ZFP3: variants seen among roughly 807,000 people sequenced by gnomAD.
ZFP3 encodes the protein ZFP3 zinc finger protein.
In ZFP3, 18 loss-of-function variants were observed where a neutral mutation model predicts 36.7. The ratio of observed to expected loss-of-function variants is 0.49; its 90% CI spans 0.34 to 0.73. The LOEUF (loss-of-function observed/expected upper bound fraction) is 0.73. Among genes scored for constraint, ZFP3 ranks in the 30% least tolerant of loss-of-function variants. The pLI, the probability that ZFP3 is intolerant of heterozygous loss-of-function variation, is 0.01. For synonymous variants in ZFP3, 218 were observed against 199.0 expected, an observed-to-expected ratio of 1.10 and a Z score of -0.81; for missense variants, 495 against 599.0, an observed-to-expected ratio of 0.83 and a Z score of 1.81.
intron 1 of ZFP3, among the ~76,000 whole-genome samples, chr17:5,085,242 C>T (rs1001008682): frequency 6.6e-6 from 1 of 152,096 alleles, no homozygotes; most frequent in African/African-American, 2.4e-5. Context: ...GACAGGGTTT[C>T]ACCATGTTGT....
At chr17:5,079,539 T>C (rs1187737640) in intron 1 of ZFP3, among the ~76,000 whole-genome samples, 1 of 152,182 alleles carries the variant, frequency 6.6e-6, no homozygotes, top group African/African-American at 2.4e-5. Context: ...ATTCATTATA[T>C]ATATAAGACA....
chr17:5,089,444 G>T (rs918391653), intron 1 of ZFP3, among the ~76,000 whole-genome samples: 2 of 152,148 alleles, frequency 1.3e-5, no homozygotes, highest in African/African-American at 4.8e-5. Context: ...GCATCTCACT[G>T]TCTCATTGGC....
In ZFP3 at chr17:5,093,781, G is replaced by A. The variant is rs557884162; in HGVS notation, c.*768G>A. 1 of 167,160 alleles carries A rather than the reference G, an allele frequency of 6.0e-6. No homozygotes were observed. The highest frequency in any genetic ancestry group is 2.1e-4 in the South Asian group (1 of 4,830). 10.4% of individuals were successfully genotyped at this position (167,160 alleles called of 1,614,324 possible). A position where few individuals can be genotyped will look rare whatever the true frequency, so the allele number is the denominator to read the frequency against. ...ATCTGAAGAGGCTGCCATGATGGAG[G>A]AACTGACAGGCAATTTACAACGGGA... On this transcript the variant is annotated 3_prime_UTR_variant, in exon 2 of 2. Transcript: ENST00000318833.
chr17:5,082,589 G>A (rs546092040), intron 1 of ZFP3, among the ~76,000 whole-genome samples: 3 of 152,256 alleles, frequency 2.0e-5, no homozygotes, highest in South Asian at 2.1e-4. Context: ...GTGCAGTGGT[G>A]TGATCATAGC....
intron 1 of ZFP3, among the ~76,000 whole-genome samples, chr17:5,086,724 C>CTTTTTTTTT (rs5819008): frequency 9.0e-5 from 10 of 110,664 alleles, no homozygotes; most frequent in Admixed American, 1.9e-4. Context: ...CATTTTCTTT[C>CTTTTTTTTT]TTTTTTTTTT....
intron 1 of ZFP3, among the ~76,000 whole-genome samples, chr17:5,087,775 A>G (rs1458171323): frequency 2.0e-5 from 3 of 152,128 alleles, no homozygotes; most frequent in Admixed American, 1.3e-4. Flanking sequence ...GCGACCTCAC[A>G]GGAAGGAACC....
intron 1 of ZFP3, among the ~76,000 whole-genome samples, chr17:5,087,852 G>C (rs2072129348): frequency 6.6e-6 from 1 of 152,178 alleles, no homozygotes; most frequent in Non-Finnish European, 1.5e-5. Flanking sequence ...CTCCTCATTG[G>C]TGGACCACAG....
intron 1 of ZFP3, among the ~76,000 whole-genome samples, chr17:5,090,030 A>G (rs2072141982): frequency 6.6e-6 from 1 of 152,228 alleles, no homozygotes; most frequent in African/African-American, 2.4e-5. Flanking sequence ...CAAAATTAAT[A>G]TGTAATGATC....
chr17:5,086,336 G>A (rs2072120798), intron 1 of ZFP3, among the ~76,000 whole-genome samples: 1 of 152,132 alleles, frequency 6.6e-6, no homozygotes, highest in Admixed American at 6.6e-5. Flanking sequence ...GATAACGGGA[G>A]GCTGGGCAGA....
chr17:5,094,367 C>T lies in ZFP3; in HGVS notation c.*1354C>T, dbSNP rs967854528. ...ATGCCCGGCCTTGAAATTCTTTCTTCGCTATGTCTGCATGTTTTTTGTGTT... is the reference window on the plus strand; with the variant it reads ...ATGCCCGGCCTTGAAATTCTTTCTTTGCTATGTCTGCATGTTTTTTGTGTT... On this transcript the variant is annotated 3_prime_UTR_variant, in exon 2 of 2. Transcript: ENST00000318833. 1 of 167,084 alleles carries T rather than the reference C, an allele frequency of 6.0e-6. No individual in the cohort carries two copies. Among genetic ancestry groups the T allele is most frequent in the African/African-American group, 2.4e-5 (1 of 41,458 alleles). The allele number at this position is 167,084 out of a possible 1,614,324, so 10.4% of individuals were successfully genotyped here. A position where few individuals can be genotyped will look rare whatever the true frequency, so the allele number is the denominator to read the frequency against.
Position 5,092,758 on chromosome 17 carries a change from G to C in ZFP3, c.1254G>C (p.Glu418Asp), listed in dbSNP as rs541267355. ...LIVHQRIHTG[E>D]KPHQCNECAR... is the part of the protein sequence containing the mutation. The stretch of plus-strand genomic sequence containing the variant: ...TCCACCAGAGAATTCATACTGGAGA[G>C]AAACCCCATCAATGTAATGAGTGTG... Residue 418 changes from glutamate (E) to aspartate (D), a missense_variant, in exon 2 of 2, where the codon GAG becomes GAC. This residue lies in a region of ZFP3 where 163 missense variants were observed against 178.4 expected (regional missense o/e 0.91). Coordinates refer to ENST00000318833, the MANE Select transcript of ZFP3 (RefSeq NM_153018.3). The surrounding 1 kb of genome is among the most constrained non-coding windows in gnomAD (Gnocchi z 5.0). The C allele has an allele frequency of 6.2e-7, 1 of 1,614,158 alleles. No individual in the cohort carries two copies. The highest frequency in any genetic ancestry group is 1.3e-5 in the African/African-American group (1 of 75,038).
chr17:5,088,447 G>A (rs1380877798), intron 1 of ZFP3, among the ~76,000 whole-genome samples: 2 of 150,124 alleles, frequency 1.3e-5, no homozygotes, highest in Non-Finnish European at 3.0e-5. Context: ...CCTCCCAGCT[G>A]ATCTTCCTAT....
rs1480255088 is a variant in ZFP3 at position 5,096,170 on chromosome 17, A to G, written c.*3157A>G. ...GGTAATGATGATTTGTGCAAATACTATCAAGGAAAGGACATGAATTGTCTT... is the reference window on the plus strand; with the variant it reads ...GGTAATGATGATTTGTGCAAATACTGTCAAGGAAAGGACATGAATTGTCTT... On this transcript the variant is annotated 3_prime_UTR_variant, in exon 2 of 2. Transcript: ENST00000318833. The G allele has an allele frequency of 1.2e-5, 2 of 167,058 alleles. No individual in the cohort carries two copies. Among genetic ancestry groups the G allele is most frequent in the Non-Finnish European group, 2.9e-5 (2 of 68,122 alleles). 10.3% of individuals were successfully genotyped at this position (167,058 alleles called of 1,614,324 possible).
Position 5,092,726 on chromosome 17 carries a change from C to T in ZFP3, c.1222C>T (p.Leu408Phe). 1 of 1,614,096 alleles carries T rather than the reference C, an allele frequency of 6.2e-7. No individual in the cohort carries two copies. Among genetic ancestry groups the T allele is most frequent in the Non-Finnish European group, 8.5e-7 (1 of 1,180,022 alleles). ...AAAGGCTTTCAGGCGGACCTCTCAC[C>T]TTATTGTCCACCAGAGAATTCATAC... ...CGKAFRRTSH[L>F]IVHQRIHTGE... The change falls in exon 2 of 2, where the codon CTT (leucine) becomes TTT (phenylalanine). Residue 408 changes from leucine (L) to phenylalanine (F), a missense_variant. Transcript: ENST00000318833. This position sits in a 1 kb window ranked among gnomAD's most constrained non-coding sequence, Gnocchi z 5.0.
intron 1 of ZFP3, among the ~76,000 whole-genome samples, chr17:5,090,396 G>T (rs1196043265): frequency 6.6e-6 from 1 of 152,202 alleles, no homozygotes; most frequent in Non-Finnish European, 1.5e-5. Flanking sequence ...ATCAGTAGGG[G>T]AAAGAATTAT....
Position 5,091,727 on chromosome 17 carries a change from A to T in ZFP3, c.223A>T (p.Ile75Phe). ...QERDFPSGLM[I>F]FKKSPSSEKD... ...GAGAGACTTTCCATCAGGGTTGATG[A>T]TCTTTAAGAAATCACCCTCAAGTGA... is the stretch of plus-strand genomic sequence containing the variant. The change falls in exon 2 of 2, where the codon ATC becomes TTC. Residue 75 changes from isoleucine to phenylalanine, a missense_variant. Ile to Phe is a conservative substitution (Grantham distance 21, BLOSUM62 0). Coordinates refer to ENST00000318833, the MANE Select transcript of ZFP3 (RefSeq NM_153018.3). 1 of 1,614,206 alleles carries T rather than the reference A, an allele frequency of 6.2e-7. No homozygotes were observed. Among genetic ancestry groups the T allele is most frequent in the Non-Finnish European group, 8.5e-7 (1 of 1,180,046 alleles).
Position 5,096,135 on chromosome 17 carries a change from A to G in ZFP3, c.*3122A>G, listed in dbSNP as rs116883689. ...TACTTGGGAGTCAGCATCTGACCAC[A>G]GTCGTGACTGGTAATGATGATTTGT... On this transcript the variant is annotated 3_prime_UTR_variant, in exon 2 of 2. Transcript: ENST00000318833. 6.0e-6 allele frequency: 1 copy of G among 167,198 alleles called. No homozygotes were observed. The highest frequency in any genetic ancestry group is 1.5e-5 in the Non-Finnish European group (1 of 68,102). The allele number at this position is 167,198 out of a possible 1,614,324, so 10.4% of individuals were successfully genotyped here. A position where few individuals can be genotyped will look rare whatever the true frequency, so the allele number is the denominator to read the frequency against.
intron 1 of ZFP3, among the ~76,000 whole-genome samples, chr17:5,088,433 G>T (rs1327478343): frequency 3.3e-5 from 5 of 150,962 alleles, no homozygotes; most frequent in Non-Finnish European, 5.9e-5. Flanking sequence ...GATGACTGCA[G>T]CAGCCTCCCA....
rs534259279 is a variant in ZFP3, at chr17:5,092,110, T to C, written c.606T>C (p.Cys202=). ...AAAAACCCTTTGCTTGTAATGAATG[T>C]GGAAAGGCCTTCATTCAGAGTTCAC... The part of the protein sequence containing the change: ...AGEKPFACNE[C]GKAFIQSSHL... Residue 202 remains cysteine, a synonymous_variant, in exon 2 of 2, where the codon TGT becomes TGC. Transcript: ENST00000318833. The surrounding 1 kb of genome is among the most constrained non-coding windows in gnomAD (Gnocchi z 5.0). The C allele has an allele frequency of 6.2e-7, 1 of 1,614,228 alleles. No individual in the cohort carries two copies. The highest frequency in any genetic ancestry group is 1.1e-5 in the South Asian group (1 of 91,084).
Sources: allele counts gnomAD v4.1 joint callset (sites outside exome capture counted in the v4.1 genomes callset), GRCh38; gene constraint gnomAD v4.1.1; regional missense constraint gnomAD v4.1.1; non-coding constraint Gnocchi (gnomAD v3.1); transcripts MANE v1.5; gene names NCBI Gene and HGNC (gene_info 2026-07-23, HGNC 2026-07-21).